Variants in STK32A observed in about 807,000 individuals in gnomAD.
The protein encoded by STK32A is serine/threonine kinase 32A.
In STK32A, 41 loss-of-function variants were observed where a neutral mutation model predicts 53.2. The observed-to-expected ratio is 0.77, with a 90% CI of 0.60 to 1.00. STK32A has a LOEUF of 1.00. Among genes scored for constraint, STK32A ranks in the 50% least tolerant of loss-of-function variants. The probability of loss-of-function intolerance (pLI) is 0.00; values close to 1 mark genes in which losing one functional copy is unlikely to be tolerated. For synonymous variants in STK32A, 166 were observed against 162.8 expected (o/e 1.02, Z -0.15); for missense variants, 458 against 485.8 (o/e 0.94, Z 0.54).
chr5:147,250,668 G>A (rs960549948), intron 2 of STK32A, among the ~76,000 whole-genome samples: 4 of 152,068 alleles, frequency 2.6e-5, no homozygotes, highest in Admixed American at 1.3e-4. Flanking sequence ...TGGGCCCAGT[G>A]CGGTGGCTCA....
At chr5:147,330,307 A>G (rs1383368454) in intron 5 of STK32A, among the ~76,000 whole-genome samples, 2 of 152,210 alleles carry the variant, frequency 1.3e-5, no homozygotes, top group Non-Finnish European at 2.9e-5. Context: ...CAAGGAGAAG[A>G]ATACCGTAGA....
intron 2 of STK32A, among the ~76,000 whole-genome samples, chr5:147,250,526 G>A (rs1367150493): frequency 6.6e-6 from 1 of 152,216 alleles, no homozygotes; most frequent in East Asian, 1.9e-4. Flanking sequence ...GTGTGACTAA[G>A]TCGGTGAGAA....
intron 4 of STK32A, among the ~76,000 whole-genome samples, chr5:147,295,909 T>C (rs1042126738): frequency 2.0e-5 from 3 of 152,114 alleles, no homozygotes; most frequent in South Asian, 2.1e-4. Flanking sequence ...CAGGTGTATA[T>C]AGGTAAAGGT....
the STK32A span, chr5:147,395,826 G>T: frequency 7.8e-7 from 1 of 1,288,180 alleles, no homozygotes; most frequent in Non-Finnish European, 1.1e-6. Flanking sequence ...TGGGAGCTAG[G>T]AATTAACAAT....
At chr5:147,245,366 A>C (rs968510917) in intron 2 of STK32A, among the ~76,000 whole-genome samples, 1 of 152,230 alleles carries the variant, frequency 6.6e-6, no homozygotes, top group African/African-American at 2.4e-5. Flanking sequence ...TTCTGAAATA[A>C]AAGAATAGAC....
At chr5:147,304,127 T>C (rs1350655149) in intron 4 of STK32A, among the ~76,000 whole-genome samples, 1 of 152,184 alleles carries the variant, frequency 6.6e-6, no homozygotes, top group Admixed American at 6.5e-5. Flanking sequence ...GCAGGAACTA[T>C]TGAATAGACT....
At chr5:147,388,774 C>T (rs1757731473), downstream of STK32A, among the ~76,000 whole-genome samples, 1 of 152,092 alleles carries the variant, frequency 6.6e-6, no homozygotes, top group Non-Finnish European at 1.5e-5. Flanking sequence ...ACAGCTCCAC[C>T]CTGAAGGAAG....
the STK32A span, chr5:147,395,814 G>C: frequency 0.42 from 603,189 of 1,434,456 alleles, 132,144 homozygotes; most frequent in African/African-American, 0.7. Context: ...TACAGTGTGT[G>C]GTGGGAGCTA....
intron 11 of STK32A, among the ~76,000 whole-genome samples, chr5:147,381,418 G>A (rs58991740): frequency 9.2e-5 from 14 of 152,202 alleles, no homozygotes; most frequent in East Asian, 1.9e-4. Flanking sequence ...TGAGGCAGGC[G>A]GATCACTTGA....
chr5:147,318,098 G>A (rs181966710), intron 4 of STK32A, among the ~76,000 whole-genome samples: 2 of 151,542 alleles, frequency 1.3e-5, no homozygotes, highest in African/African-American at 4.8e-5. Context: ...TTTTCCTTTT[G>A]TGTTTGTGTG....
At chr5:147,278,047 GT>G (rs1751849309) in intron 2 of STK32A, 76 bp from the exon 3 acceptor site, 3 of 1,261,274 alleles carry the variant, frequency 2.4e-6, no homozygotes, top group Non-Finnish European at 2.3e-6. Context: ...CTTCAGTTTA[GT>G]CCAATCTTTA....
At chr5:147,299,201 G>A (rs1019887513) in intron 4 of STK32A, among the ~76,000 whole-genome samples, 3 of 152,038 alleles carry the variant, frequency 2.0e-5, no homozygotes, top group Non-Finnish European at 2.9e-5. Context: ...CAAACAAGGG[G>A]TGGATTATTC....
intron 11 of STK32A, 148 bp from the exon 12 acceptor site, chr5:147,383,291 TTC>T: frequency 1.5e-6 from 1 of 686,374 alleles, no homozygotes; most frequent in South Asian, 1.8e-5. Context: ...TCCCGGAATC[TTC>T]TTCACATAGC....
At chr5:147,264,163 A>G (rs1357383367) in intron 2 of STK32A, among the ~76,000 whole-genome samples, 1 of 152,218 alleles carries the variant, frequency 6.6e-6, no homozygotes, top group African/African-American at 2.4e-5. Flanking sequence ...CTCCCATGCA[A>G]TCCTTCTTAC....
At chr5:147,367,724 T>C (rs562860665) in intron 8 of STK32A, among the ~76,000 whole-genome samples, 114 of 152,232 alleles carry the variant, frequency 7.5e-4, no homozygotes, top group Middle Eastern at 6.8e-3. Flanking sequence ...ATATCATCAG[T>C]TAAGGCAGGA....
At position 147,385,277 on chromosome 5, in the gene STK32A, G is replaced by C. The variant is rs1008734185; in HGVS notation, c.*1294G>C. 1 of 152,048 alleles carries C rather than the reference G, an allele frequency of 6.6e-6. No homozygotes were observed. The highest frequency in any genetic ancestry group is 2.4e-5 in the African/African-American group (1 of 41,382). The allele number at this position is 152,048 out of a possible 1,614,324, so 9.4% of individuals were successfully genotyped here. Reference sequence around the variant, plus strand: ...CTCAGCCTCCTAAGTAGCTGGGATCGCATGTGTGTGCCACCATGTGTAGCT... The same window carrying C: ...CTCAGCCTCCTAAGTAGCTGGGATCCCATGTGTGTGCCACCATGTGTAGCT... On this transcript the variant is annotated 3_prime_UTR_variant, in exon 13 of 13. Coordinates refer to ENST00000397936, the MANE Select transcript of STK32A (RefSeq NM_001112724.2).
intron 2 of STK32A, among the ~76,000 whole-genome samples, chr5:147,275,907 A>G (rs929513110): frequency 6.6e-6 from 1 of 152,170 alleles, no homozygotes; most frequent in Non-Finnish European, 1.5e-5. Flanking sequence ...ATATGAAAGG[A>G]GGTGGTTCAC....
intron 5 of STK32A, 85 bp downstream of exon 5, chr5:147,324,156 C>A: frequency 7.8e-7 from 1 of 1,279,674 alleles, no homozygotes; most frequent in Non-Finnish European, 1.1e-6. Context: ...TCTTATTGAA[C>A]ATGACATTTA....
intron 8 of STK32A, among the ~76,000 whole-genome samples, chr5:147,366,694 C>A (rs1208585966): frequency 6.6e-6 from 1 of 152,142 alleles, no homozygotes. Flanking sequence ...GTCTCTAAGG[C>A]AAAGAACATT....
Sources: gnomAD v4.1 joint callset for allele counts (sites outside exome capture counted in the v4.1 genomes callset) on GRCh38, gnomAD v4.1.1 for gene constraint, MANE v1.5 for transcripts, NCBI Gene and HGNC (gene_info 2026-07-23, HGNC 2026-07-21) for gene names.